The following ZNF385D variants were observed in gnomAD, a reference collection of about 807,000 sequenced individuals.
ZNF385D encodes the protein zinc finger protein 659.
In ZNF385D, 15 loss-of-function variants were observed where a neutral mutation model predicts 35.8. The observed-to-expected ratio is 0.42, with a 90% CI of 0.28 to 0.64. ZNF385D has a LOEUF of 0.64. Ranked by LOEUF, ZNF385D falls within the 30% of genes least tolerant of loss-of-function variation. The pLI is 0.23. For synonymous variants in ZNF385D, 212 were observed against 186.8 expected (o/e 1.13, Z -1.10); for missense variants, 474 against 494.6 (o/e 0.96, Z 0.39).
chr3:22,215,165 C>A (rs559666494), intron 2 of ZNF385D, among the ~76,000 whole-genome samples: 2 of 151,950 alleles, frequency 1.3e-5, no homozygotes, highest in Middle Eastern at 6.8e-3. Flanking sequence ...CAATATCTGG[C>A]GCCCATGTGG....
intron 3 of ZNF385D, among the ~76,000 whole-genome samples, chr3:21,942,940 T>G (rs1022022091): frequency 3.3e-5 from 5 of 152,172 alleles, no homozygotes; most frequent in African/African-American, 1.2e-4. Flanking sequence ...TATTTTGCCT[T>G]GTAAGATGTT....
chr3:22,031,535 A>G (rs1204419163), intron 3 of ZNF385D, among the ~76,000 whole-genome samples: 16 of 152,120 alleles, frequency 1.1e-4, no homozygotes, highest in Admixed American at 1.0e-3. Context: ...CTGGAGTTGG[A>G]GCGGCTGAGA....
intron 3 of ZNF385D, among the ~76,000 whole-genome samples, chr3:21,855,604 T>C (rs1183542972): frequency 6.6e-6 from 1 of 152,032 alleles, no homozygotes; most frequent in African/African-American, 2.4e-5. Flanking sequence ...TCAGAAAAGA[T>C]CATCCAAATA....
chr3:21,895,625 G>C (rs1699096813), intron 3 of ZNF385D, among the ~76,000 whole-genome samples: 1 of 151,456 alleles, frequency 6.6e-6, no homozygotes, highest in African/African-American at 2.4e-5. Context: ...ACAGGTATGA[G>C]CCACCATGCC....
chr3:21,417,662 C>T lies in ZNF385D; in HGVS notation c.*3552G>A, dbSNP rs553283377. 15 of 152,204 alleles carry T rather than the reference C, an allele frequency of 9.9e-5. No homozygotes were observed. The highest frequency in any genetic ancestry group is 8.8e-5 in the Non-Finnish European group (6 of 67,968). The allele number at this position is 152,204 out of a possible 1,614,324, so 9.4% of individuals were successfully genotyped here. The stretch of plus-strand genomic sequence containing the variant: ...TATGTGTTGGTTTGTGCCTTAGAAA[C>T]TCAAATAGGCACAGCCTCTTTGATT... On this transcript the variant is annotated 3_prime_UTR_variant, in exon 8 of 8. Transcript: ENST00000281523.
chr3:22,280,857 T>C (rs147332874), intron 2 of ZNF385D, among the ~76,000 whole-genome samples: 6 of 152,090 alleles, frequency 3.9e-5, no homozygotes, highest in African/African-American at 7.2e-5. Flanking sequence ...CTTTTGGCAT[T>C]ATGGTCATTT....
intron 1 of ZNF385D, among the ~76,000 whole-genome samples, chr3:21,672,469 T>G (rs2066605056): frequency 6.6e-6 from 1 of 152,068 alleles, no homozygotes; most frequent in Non-Finnish European, 1.5e-5. Context: ...TGGTGACTGC[T>G]GTCTCATACA....
At chr3:21,864,697 G>A (rs557624564) in intron 3 of ZNF385D, among the ~76,000 whole-genome samples, 6 of 152,090 alleles carry the variant, frequency 3.9e-5, no homozygotes, top group African/African-American at 1.4e-4. Context: ...TTTGCTATGG[G>A]TTTGCCTGAA....
At chr3:21,684,390 CTCTCTCTCTCTCTCCTCTCTCT>C (rs1559516618) in intron 1 of ZNF385D, among the ~76,000 whole-genome samples, 22 of 86,910 alleles carry the variant, frequency 2.5e-4, no homozygotes, top group Admixed American at 5.3e-4. Context: ...CTCTCTCTCT[CTCTCTCTCTCTCTCCTCTCTCT>C]CTCTCTCTCT....
At chr3:22,197,477 T>G (rs1386557459) in intron 2 of ZNF385D, among the ~76,000 whole-genome samples, 2 of 152,126 alleles carry the variant, frequency 1.3e-5, no homozygotes, top group Non-Finnish European at 2.9e-5. Context: ...CATCTATATT[T>G]GATTTTGACG....
intron 3 of ZNF385D, among the ~76,000 whole-genome samples, chr3:21,959,833 T>A (rs1007328137): frequency 4.6e-5 from 7 of 152,276 alleles, no homozygotes; most frequent in Non-Finnish European, 8.8e-5. Flanking sequence ...AAGCTTTCTT[T>A]GTCTAACTCA....
chr3:22,177,555 G>A (rs2131064), intron 2 of ZNF385D, among the ~76,000 whole-genome samples: 11 of 152,050 alleles, frequency 7.2e-5, no homozygotes, highest in African/African-American at 2.4e-4. Context: ...TGAGAAGAGA[G>A]AGATAATGTA....
intron 3 of ZNF385D, among the ~76,000 whole-genome samples, chr3:21,815,101 T>A (rs1038854435): frequency 6.6e-6 from 1 of 152,080 alleles, no homozygotes; most frequent in African/African-American, 2.4e-5. Flanking sequence ...CGTAACGAAA[T>A]GAAGGCAGAA....
intron 3 of ZNF385D, among the ~76,000 whole-genome samples, chr3:21,907,317 A>T (rs955965733): frequency 2.6e-5 from 4 of 152,160 alleles, no homozygotes; most frequent in African/African-American, 9.7e-5. Flanking sequence ...ATATTTCTTT[A>T]TATCTTTACT....
At chr3:21,848,742 C>A (rs1696179984) in intron 3 of ZNF385D, among the ~76,000 whole-genome samples, 1 of 152,016 alleles carries the variant, frequency 6.6e-6, no homozygotes, top group South Asian at 2.1e-4. Flanking sequence ...AAGCAGTAAT[C>A]AAAAGCCTCC....
intron 3 of ZNF385D, among the ~76,000 whole-genome samples, chr3:22,139,058 C>T: frequency 6.6e-6 from 1 of 151,816 alleles, no homozygotes. Flanking sequence ...CCAACAGACA[C>T]AATGAGATAC....
At chr3:22,213,990 A>C (rs1294776528) in intron 2 of ZNF385D, among the ~76,000 whole-genome samples, 1 of 152,006 alleles carries the variant, frequency 6.6e-6, no homozygotes, top group Non-Finnish European at 1.5e-5. Context: ...CATGGGGTAC[A>C]TTTGCCATAG....
At chr3:22,351,426 A>G (rs1695911549) in intron 2 of ZNF385D, among the ~76,000 whole-genome samples, 1 of 152,148 alleles carries the variant, frequency 6.6e-6, no homozygotes, top group Non-Finnish European at 1.5e-5. Flanking sequence ...CAAGAGATAT[A>G]AATAATAAAA....
intron 1 of ZNF385D, among the ~76,000 whole-genome samples, chr3:21,685,108 C>T (rs1312820623): frequency 6.6e-6 from 1 of 152,158 alleles, no homozygotes; most frequent in East Asian, 1.9e-4. Context: ...GAAAAAAATA[C>T]TGCAAAATCC....
Sources: allele counts gnomAD v4.1 joint callset (sites outside exome capture counted in the v4.1 genomes callset), GRCh38; gene constraint gnomAD v4.1.1; transcripts MANE v1.5; gene names NCBI Gene and HGNC (gene_info 2026-07-23, HGNC 2026-07-21).